Variants in DHRS4L2 observed in about 807,000 individuals in gnomAD.
DHRS4L2 encodes the protein dehydrogenase/reductase SDR family member 4-like 2.
DHRS4L2 carries 22 observed loss-of-function variants against 23.9 expected under a neutral mutation model. The ratio of observed to expected loss-of-function variants is 0.92; its 90% CI spans 0.66 to 1.31. The LOEUF (loss-of-function observed/expected upper bound fraction) is 1.31. DHRS4L2 is among the 40% of genes most tolerant of loss of function. DHRS4L2 has a pLI of 0.00. For synonymous variants in DHRS4L2, 141 were observed against 123.7 expected, an observed-to-expected ratio of 1.14 and a Z score of -0.93; for missense variants, 385 against 303.3, an observed-to-expected ratio of 1.27 and a Z score of -2.00.
upstream of DHRS4L2, among the ~76,000 whole-genome samples, chr14:23,984,502 A>T (rs982073781): frequency 3.3e-5 from 5 of 151,540 alleles, no homozygotes; most frequent in African/African-American, 1.2e-4. Context: ...CACATATAGA[A>T]TTTAAAACAC....
upstream of DHRS4L2, among the ~76,000 whole-genome samples, chr14:23,984,611 A>G (rs1161663850): frequency 6.6e-6 from 1 of 151,344 alleles, no homozygotes; most frequent in Non-Finnish European, 1.5e-5. Flanking sequence ...CCTGGCCAAC[A>G]TGGTGAAACC....
upstream of DHRS4L2, among the ~76,000 whole-genome samples, chr14:23,988,332 C>T (rs1332466352): frequency 6.8e-6 from 1 of 147,924 alleles, no homozygotes; most frequent in East Asian, 2.1e-4. Flanking sequence ...TGCCAATGAC[C>T]GTAGTCTGCC....
intron 6 of DHRS4L2, 103 bp from the exon 7 acceptor site, chr14:24,004,234 A>T (rs1203571886): frequency 6.4e-6 from 9 of 1,413,304 alleles, no homozygotes. Flanking sequence ...GCGCCACTAC[A>T]GTCCGGCCTG....
intron 6 of DHRS4L2, 84 bp from the exon 7 acceptor site, chr14:24,004,253 A>T: frequency 6.8e-7 from 1 of 1,469,376 alleles, no homozygotes; most frequent in Non-Finnish European, 9.0e-7. Context: ...TGGGCAAAAG[A>T]GCAAGACTCC....
At chr14:23,986,959 C>T (rs2034157528), upstream of DHRS4L2, among the ~76,000 whole-genome samples, 2 of 151,582 alleles carry the variant, frequency 1.3e-5, no homozygotes, top group South Asian at 4.2e-4. Flanking sequence ...TCAGCTTTGC[C>T]TGGACATGGG....
chr14:24,001,003 G>C, intron 4 of DHRS4L2, 30 bp from the exon 5 acceptor site: 2 of 1,611,476 alleles, frequency 1.2e-6, no homozygotes, highest in Non-Finnish European at 1.7e-6. Flanking sequence ...GTCCACACTG[G>C]GAAGACGGTC....
chr14:23,990,872 T>C, intron 2 of DHRS4L2: 1 of 636,286 alleles, frequency 1.6e-6, no homozygotes, highest in Non-Finnish European at 2.0e-6. Context: ...CTGGAGCAAC[T>C]TCCCAAGGTC....
chr14:23,970,057 C>A, exon 1 of DHRS4L2: 1 of 456,372 alleles, frequency 2.2e-6, no homozygotes, highest in Non-Finnish European at 4.4e-6. Flanking sequence ...GTGTGGGTGG[C>A]GGCGGCTCCT....
intron 2 of DHRS4L2, among the ~76,000 whole-genome samples, chr14:23,991,467 A>C (rs116802543): frequency 0.01 from 1,590 of 151,888 alleles, 58 homozygotes; most frequent in African/African-American, 0.036. Context: ...TCCTCCTAGA[A>C]AAACAACCTG....
intron 7 of DHRS4L2, 53 bp downstream of exon 7, chr14:24,004,445 G>C (rs2034536270): frequency 5.1e-6 from 8 of 1,577,036 alleles, no homozygotes; most frequent in Non-Finnish European, 6.9e-6. Context: ...GGGAAGGTCT[G>C]GTCCCTAGCA....
intron 5 of DHRS4L2, 71 bp downstream of exon 5, chr14:24,001,155 A>G: frequency 1.2e-6 from 2 of 1,609,022 alleles, no homozygotes; most frequent in Non-Finnish European, 1.7e-6. Context: ...CCTATTACCC[A>G]AAGAAGTTTG....
At chr14:23,976,291 A>T (rs1197558440) in intron 1 of DHRS4L2, among the ~76,000 whole-genome samples, 1 of 151,954 alleles carries the variant, frequency 6.6e-6, no homozygotes, top group Non-Finnish European at 1.5e-5. Flanking sequence ...AAAAGTGGGT[A>T]AAAAGTATGA....
Position 23,990,265 on chromosome 14 carries a change from A to T in DHRS4L2, c.212A>T (p.Gln71Leu). ...VSSRKQQNVDQAVATLQGEGL... is the reference protein window; with the variant it reads ...VSSRKQQNVDLAVATLQGEGL... Reference sequence around the variant, plus strand: ...AGCCGGAAGCAGCAGAATGTGGACCAGGCGGTGGCCACGCTGCAGGGGGAG... The same window carrying T: ...AGCCGGAAGCAGCAGAATGTGGACCTGGCGGTGGCCACGCTGCAGGGGGAG... Residue 71 changes from glutamine (Q) to leucine (L), a missense_variant, in exon 2 of 8, where the codon CAG becomes CTG. Transcript: ENST00000335125. The T allele has an allele frequency of 6.2e-7, 1 of 1,612,736 alleles. No homozygotes were observed.
At chr14:23,981,614 G>C (rs1470611711) in intron 1 of DHRS4L2, among the ~76,000 whole-genome samples, 1 of 151,542 alleles carries the variant, frequency 6.6e-6, no homozygotes, top group Non-Finnish European at 1.5e-5. Flanking sequence ...CAGGGGACTG[G>C]CACTCAGCAT....
chr14:23,985,803 C>T (rs1404558660), upstream of DHRS4L2, among the ~76,000 whole-genome samples: 1 of 151,538 alleles, frequency 6.6e-6, no homozygotes, highest in East Asian at 1.9e-4. Flanking sequence ...CAACCTCTGC[C>T]TCCCAGGTTC....
chr14:23,993,874 T>G (rs55777341), intron 2 of DHRS4L2, among the ~76,000 whole-genome samples: 3,402 of 151,560 alleles, frequency 0.022, 108 homozygotes, highest in Middle Eastern at 0.054. Flanking sequence ...CTTTCAGAGG[T>G]CTCTTATGAA....
At chr14:23,997,137 G>A (rs1370862482) in intron 3 of DHRS4L2, among the ~76,000 whole-genome samples, 3 of 142,488 alleles carry the variant, frequency 2.1e-5, no homozygotes, top group Admixed American at 7.1e-5. Context: ...TAAAAGTTAG[G>A]TTTACATTAT....
At chr14:23,981,081 C>T (rs952382778) in intron 1 of DHRS4L2, among the ~76,000 whole-genome samples, 15 of 151,800 alleles carry the variant, frequency 9.9e-5, no homozygotes, top group Non-Finnish European at 2.2e-4. Flanking sequence ...TCAAAATCTC[C>T]TTAAGCTGAT....
In DHRS4L2 at chr14:24,006,183, G is replaced by C. The variant is rs2034575492; in HGVS notation, c.*320G>C. ...TGGCGTCTTACTCGGGATTCCTGCTGTTGTTGTGGCCTTGGGTAAAGGCCT... is the reference window on the plus strand; with the variant it reads ...TGGCGTCTTACTCGGGATTCCTGCTCTTGTTGTGGCCTTGGGTAAAGGCCT... On this transcript the variant is annotated 3_prime_UTR_variant, in exon 8 of 8. Transcript: ENST00000335125. The C allele has an allele frequency of 7.7e-7, 1 of 1,295,630 alleles. No individual in the cohort carries two copies. The highest frequency in any genetic ancestry group is 1.5e-5 in the African/African-American group (1 of 65,550). 80.3% of individuals were successfully genotyped at this position (1,295,630 alleles called of 1,614,324 possible).
Sources: gnomAD v4.1 joint callset for allele counts (sites outside exome capture counted in the v4.1 genomes callset) on GRCh38, gnomAD v4.1.1 for gene constraint, MANE v1.5 for transcripts, NCBI Gene and HGNC (gene_info 2026-07-23, HGNC 2026-07-21) for gene names.